The following CHD1L variants were observed in gnomAD, a reference collection of about 807,000 sequenced individuals.
The protein encoded by CHD1L is ATP-dependent chromatin remodeler CHD1L.
In CHD1L, 118 loss-of-function variants were observed where a neutral mutation model predicts 115.9. The ratio of observed to expected loss-of-function variants is 1.02; its 90% CI spans 0.88 to 1.19. The LOEUF (loss-of-function observed/expected upper bound fraction) is 1.19, where lower values mean the gene tolerates loss of function less well. Among genes scored for constraint, CHD1L ranks in the 50% most tolerant of loss-of-function variants. CHD1L has a pLI of 0.00. For missense variants in CHD1L, 1,179 were observed against 1,065.3 expected (o/e 1.11, Z -1.49); for synonymous variants, 411 against 387.1 (o/e 1.06, Z -0.72).
the CHD1L span, chr1:147,176,023 C>G: frequency 6.6e-6 from 1 of 151,762 alleles, no homozygotes; most frequent in African/African-American, 2.4e-5. Flanking sequence ...TGGAACAGGT[C>G]TGTATCTTGA....
chr1:147,253,596 C>G (rs1434364468), intron 2 of CHD1L, among the ~76,000 whole-genome samples: 1 of 152,066 alleles, frequency 6.6e-6, no homozygotes, highest in African/African-American at 2.4e-5. Context: ...CTCTGCCTCC[C>G]AGGCTCAAGG....
chr1:147,216,026 C>G, the CHD1L span: 1 of 1,007,326 alleles, frequency 9.9e-7, no homozygotes, highest in East Asian at 2.4e-5. Flanking sequence ...AAAAAGTTTT[C>G]TGAAAGAAGT....
the CHD1L span, among the ~76,000 whole-genome samples, chr1:147,217,906 G>A: frequency 6.6e-6 from 1 of 152,134 alleles, no homozygotes; most frequent in African/African-American, 2.4e-5. Flanking sequence ...TTGTACTCAT[G>A]GTTTTCCCCA....
chr1:147,249,637 C>T lies in CHD1L; in HGVS notation c.128-2986C>T, dbSNP rs368404495. On this transcript the variant is annotated intron_variant, in intron 1 of 22. Transcript: ENST00000369258. ...GCCAGGATGGTCTCAATCTCTTGAC[C>T]TCGTGATCCGCCTGCCTCGGCCTCC... Among the ~76,000 whole-genome samples, 50 of 152,190 alleles carry T rather than the reference C, an allele frequency of 3.3e-4. 2 individuals are homozygous for T. In the South Asian group the frequency reaches 0.01, roughly 31 times the overall value.
At chr1:147,276,478 TCTTAA>T (rs1553958078) in intron 14 of CHD1L, among the ~76,000 whole-genome samples, 1 of 152,172 alleles carries the variant, frequency 6.6e-6, no homozygotes, top group Admixed American at 6.5e-5. Context: ...TGAGCGGCTT[TCTTAA>T]CTTCTTAGAT....
At chr1:147,200,087 G>A in the CHD1L span, among the ~76,000 whole-genome samples, 1 of 152,098 alleles carries the variant, frequency 6.6e-6, no homozygotes, top group Non-Finnish European at 1.5e-5. Context: ...TCAGTCATTT[G>A]GCATCCTTTT....
At chr1:147,233,396 C>T in the CHD1L span, among the ~76,000 whole-genome samples, 6 of 147,346 alleles carry the variant, frequency 4.1e-5, no homozygotes, top group Non-Finnish European at 9.0e-5. Flanking sequence ...CCCCGCCCGG[C>T]CAGCCGCCCC....
At chr1:147,247,199 G>T (rs1295752085) in intron 1 of CHD1L, among the ~76,000 whole-genome samples, 2 of 152,100 alleles carry the variant, frequency 1.3e-5, no homozygotes, top group African/African-American at 2.4e-5. Context: ...TACAATTTCA[G>T]TTCTTTTAAA....
chr1:147,176,081 A>G, the CHD1L span: 1 of 152,096 alleles, frequency 6.6e-6, no homozygotes, highest in African/African-American at 2.4e-5. Flanking sequence ...TAAAAAGTAA[A>G]TTTTTATTGT....
chr1:147,231,943 C>A, the CHD1L span, among the ~76,000 whole-genome samples: 79 of 152,294 alleles, frequency 5.2e-4, no homozygotes, highest in African/African-American at 1.9e-3. Context: ...CTGTCCTGCA[C>A]CCACTTTCTG....
At chr1:147,284,135 G>T (rs587712618) in intron 15 of CHD1L, among the ~76,000 whole-genome samples, 2 of 152,288 alleles carry the variant, frequency 1.3e-5, no homozygotes, top group Admixed American at 1.3e-4. Flanking sequence ...TTTAAGCCAT[G>T]CTCTCCCCTT....
At chr1:147,259,755 TCA>T in intron 5 of CHD1L, 80 bp from the exon 6 acceptor site, 1 of 1,187,328 alleles carries the variant, frequency 8.4e-7, no homozygotes. Flanking sequence ...TTAATAACAG[TCA>T]CAGTTTTGTA....
Position 147,285,424 on chromosome 1 carries a change from C to G in CHD1L, c.1955C>G (p.Ala652Gly), listed in dbSNP as rs202231038. The part of the protein sequence containing the change: ...DRQKKRQEAA[A>G]KRRRLIEEKK... ...CAGAAGAAAAGACAAGAAGCAGCTGCCAAGAGAAGGAGACTCATAGAGGAG... is the reference window on the plus strand; with the variant it reads ...CAGAAGAAAAGACAAGAAGCAGCTGGCAAGAGAAGGAGACTCATAGAGGAG... The change falls in exon 17 of 23, where the codon GCC (alanine) becomes GGC (glycine). Residue 652 changes from alanine to glycine, a missense_variant. Coordinates refer to ENST00000369258, the MANE Select transcript of CHD1L (RefSeq NM_004284.6). 2.5e-6 allele frequency: 4 copies of G among 1,613,750 alleles called. No homozygotes were observed. The African/African-American group carries it at 5.3e-5, about 22-fold the overall frequency.
At chr1:147,234,186 G>A in the CHD1L span, among the ~76,000 whole-genome samples, 1 of 152,154 alleles carries the variant, frequency 6.6e-6, no homozygotes, top group Non-Finnish European at 1.5e-5. Context: ...ATTCTCTGTT[G>A]GATTACCAAT....
intron 20 of CHD1L, 90 bp downstream of exon 20, chr1:147,291,642 A>G: frequency 1.0e-6 from 1 of 986,444 alleles, no homozygotes; most frequent in Non-Finnish European, 1.6e-6. Flanking sequence ...CCTCTCTGCT[A>G]GTGTATTAGT....
chr1:147,196,265 T>C, the CHD1L span, among the ~76,000 whole-genome samples: 5 of 152,138 alleles, frequency 3.3e-5, no homozygotes, highest in Non-Finnish European at 7.3e-5. Flanking sequence ...TGTTTTTACA[T>C]TTTAGCCATG....
At chr1:147,263,729 C>T (rs1672828253) in intron 6 of CHD1L, among the ~76,000 whole-genome samples, 2 of 152,006 alleles carry the variant, frequency 1.3e-5, no homozygotes, top group African/African-American at 2.4e-5. Flanking sequence ...TCTTGGTGTT[C>T]TTCTCTGTTG....
chr1:147,201,400 G>A, the CHD1L span: 1 of 1,614,094 alleles, frequency 6.2e-7, no homozygotes, highest in African/African-American at 1.3e-5. Flanking sequence ...CTCAAATATG[G>A]CAGCTGTCTC....
the CHD1L span, chr1:147,208,424 G>GCTTT: frequency 1.4e-5 from 1 of 72,458 alleles, no homozygotes; most frequent in Admixed American, 1.8e-4. Context: ...GAGTCTATAG[G>GCTTT]CTTTCTTTTC....
Sources: gnomAD v4.1 joint callset for allele counts (sites outside exome capture counted in the v4.1 genomes callset) on GRCh38, gnomAD v4.1.1 for gene constraint, MANE v1.5 for transcripts, NCBI Gene and HGNC (gene_info 2026-07-23, HGNC 2026-07-21) for gene names.